HORMAD2: variants seen among roughly 807,000 people sequenced by gnomAD.
The protein encoded by HORMAD2 is HORMA domain-containing protein 2.
HORMAD2 carries 45 observed loss-of-function variants against 38.8 expected under a neutral mutation model. The observed-to-expected ratio is 1.16, with a 90% CI of 0.91 to 1.49. The LOEUF is 1.49. Among genes scored for constraint, HORMAD2 ranks in the 40% most tolerant of loss-of-function variants. HORMAD2 has a pLI of 0.00. For synonymous variants in HORMAD2, 126 were observed against 122.8 expected (o/e 1.03, Z -0.17); for missense variants, 338 against 367.0 (o/e 0.92, Z 0.65).
At chr22:30,146,993 A>G (rs2146192243) in intron 10 of HORMAD2, among the ~76,000 whole-genome samples, 1 of 152,332 alleles carries the variant, frequency 6.6e-6, no homozygotes, top group South Asian at 2.1e-4. Context: ...GACATATGCC[A>G]AGATGTGTAC....
the HORMAD2 span, among the ~76,000 whole-genome samples, chr22:30,185,804 T>C: frequency 6.6e-6 from 1 of 151,994 alleles, no homozygotes; most frequent in Non-Finnish European, 1.5e-5. Flanking sequence ...AGTTAAGGTT[T>C]CCCTTTATAG....
At chr22:30,080,149 T>C (rs1404518600), upstream of HORMAD2, 4 of 152,322 alleles carry the variant, frequency 2.6e-5, no homozygotes, top group Non-Finnish European at 5.9e-5. Flanking sequence ...AGGCACCTCC[T>C]CAGGAAGCCC....
chr22:30,198,237 T>C, the HORMAD2 span, among the ~76,000 whole-genome samples: 1 of 152,356 alleles, frequency 6.6e-6, no homozygotes, highest in African/African-American at 2.4e-5. Context: ...AAGATTTATT[T>C]GTTTAAAATT....
chr22:30,166,912 G>A (rs1925817265), intron 10 of HORMAD2, among the ~76,000 whole-genome samples: 2 of 152,218 alleles, frequency 1.3e-5, no homozygotes, highest in South Asian at 2.1e-4. Flanking sequence ...TAGAGAAGAG[G>A]GAAAAGAATG....
chr22:30,164,448 A>G (rs1925651749), intron 10 of HORMAD2, among the ~76,000 whole-genome samples: 1 of 152,194 alleles, frequency 6.6e-6, no homozygotes, highest in Non-Finnish European at 1.5e-5. Flanking sequence ...TCTTCACAGC[A>G]TCCCCAACTT....
chr22:30,078,374 G>A (rs559797860), upstream of HORMAD2, among the ~76,000 whole-genome samples: 5 of 152,122 alleles, frequency 3.3e-5, no homozygotes, highest in South Asian at 1.0e-3. Flanking sequence ...GGGAGGCTGA[G>A]GTGGGTGGAT....
At chr22:30,091,955 C>T (rs1460872850) in intron 1 of HORMAD2, among the ~76,000 whole-genome samples, 1 of 152,004 alleles carries the variant, frequency 6.6e-6, no homozygotes, top group Admixed American at 6.6e-5. Context: ...TGGCTAACTG[C>T]AACCTCCACC....
rs2068684455 is a variant in HORMAD2, at chr22:30,091,440, A to AT, written c.-37-2470dup. On this transcript the variant is annotated intron_variant, in intron 1 of 10. Transcript: ENST00000336726. ...GCCACCACACCCAGCTAATTTTCGT[A>AT]TTTTTTGTACAGATAGGGTTTCACC... is the stretch of plus-strand genomic sequence containing the variant. 1.3e-5 allele frequency among the ~76,000 whole-genome samples: 2 copies of AT among 150,884 alleles called. 1 individual carries two copies. Among genetic ancestry groups the AT allele is most frequent in the South Asian group, 4.2e-4 (2 of 4,776 alleles).
chr22:30,165,921 C>T (rs140202636), intron 10 of HORMAD2, among the ~76,000 whole-genome samples: 2 of 151,656 alleles, frequency 1.3e-5, no homozygotes, highest in Non-Finnish European at 2.9e-5. Flanking sequence ...TGTTTCCCCT[C>T]ATTCTTCTTC....
At chr22:30,086,253 T>A (rs1760714534) in intron 1 of HORMAD2, among the ~76,000 whole-genome samples, 1 of 152,204 alleles carries the variant, frequency 6.6e-6, no homozygotes, top group African/African-American at 2.4e-5. Flanking sequence ...ATGCTTCCTG[T>A]GTAGCCTGCA....
chr22:30,082,511 C>T (rs2068499866), intron 1 of HORMAD2, among the ~76,000 whole-genome samples: 1 of 151,820 alleles, frequency 6.6e-6, no homozygotes. Flanking sequence ...CAATTGAAGG[C>T]GTGGTGTGGT....
At position 30,136,054 on chromosome 22, in the gene HORMAD2, A is replaced by G. The variant is rs547733442; in HGVS notation, c.819+13840A>G. ...GTTATACCAAGTACAATGATAGCCT[A>G]TGTTTACACACAAAAATGTATGCAA... is the stretch of plus-strand genomic sequence containing the variant. On this transcript the variant is annotated intron_variant, in intron 10 of 10. Transcript: ENST00000336726. Among the ~76,000 whole-genome samples, 5 of 152,328 alleles carry G rather than the reference A, an allele frequency of 3.3e-5. No individual in the cohort carries two copies. The South Asian group carries it at 1.0e-3, about 32-fold the overall frequency.
rs1026295409 is a variant in HORMAD2 at position 30,103,531 on chromosome 22, C to G, written c.257+31C>G. 6.9e-6 allele frequency: 8 copies of G among 1,161,726 alleles called. No homozygotes were observed. In the Admixed American group the frequency reaches 1.3e-4, roughly 18 times the overall value. The allele number at this position is 1,161,726 out of a possible 1,614,324, so 72.0% of individuals were successfully genotyped here. On this transcript the variant is annotated intron_variant, in intron 4 of 10. Transcript: ENST00000336726. ...TAATAGAAATTCTATAAAAGTTGAA[C>G]AACATTATTTTTATCATGGCTGAAA...
At chr22:30,149,187 G>C (rs986516925) in intron 10 of HORMAD2, among the ~76,000 whole-genome samples, 3 of 152,032 alleles carry the variant, frequency 2.0e-5, no homozygotes, top group Non-Finnish European at 4.4e-5. Flanking sequence ...TTCCTTTCTT[G>C]TACAAATTTT....
At chr22:30,195,396 G>A in the HORMAD2 span, among the ~76,000 whole-genome samples, 1 of 152,158 alleles carries the variant, frequency 6.6e-6, no homozygotes, top group Non-Finnish European at 1.5e-5. Context: ...GAACCGCTAT[G>A]TCAGGGGCAA....
intron 10 of HORMAD2, among the ~76,000 whole-genome samples, chr22:30,140,654 G>T (rs988760204): frequency 6.6e-6 from 1 of 151,982 alleles, no homozygotes; most frequent in African/African-American, 2.4e-5. Flanking sequence ...TTCCAATTCT[G>T]GTAATTTTAG....
intron 10 of HORMAD2, among the ~76,000 whole-genome samples, chr22:30,161,883 A>G (rs13053732): frequency 6.6e-6 from 1 of 152,226 alleles, no homozygotes; most frequent in African/African-American, 2.4e-5. Context: ...CACAATTTAA[A>G]CAATAAACAC....
At chr22:30,098,446 A>T (rs1328341389) in intron 2 of HORMAD2, among the ~76,000 whole-genome samples, 1 of 152,230 alleles carries the variant, frequency 6.6e-6, no homozygotes, top group Non-Finnish European at 1.5e-5. Flanking sequence ...AAGAAGTTAC[A>T]TATTATGAGG....
intron 10 of HORMAD2, among the ~76,000 whole-genome samples, chr22:30,130,044 G>A (rs1923166884): frequency 6.6e-6 from 1 of 151,920 alleles, no homozygotes; most frequent in Admixed American, 6.6e-5. Context: ...AAAATAATTT[G>A]TAATTTAAAT....
Sources: allele counts gnomAD v4.1 joint callset (sites outside exome capture counted in the v4.1 genomes callset), GRCh38; gene constraint gnomAD v4.1.1; transcripts MANE v1.5; gene names NCBI Gene and HGNC (gene_info 2026-07-23, HGNC 2026-07-21).